The following RNF125 variants were observed in gnomAD, a reference collection of about 807,000 sequenced individuals.
RNF125 encodes ring finger protein 125.
Under a neutral mutation model 26.0 loss-of-function variants are expected in RNF125, and 21 were observed. The observed-to-expected ratio is 0.81, with a 90% CI of 0.57 to 1.16. RNF125 has a LOEUF of 1.16. Among genes scored for constraint, RNF125 ranks in the 50% most tolerant of loss-of-function variants. The pLI is 0.00. For missense variants in RNF125, 270 were observed against 299.4 expected (o/e 0.90, Z 0.72); for synonymous variants, 95 against 109.2 (o/e 0.87, Z 0.81).
chr18:32,021,518 G>C (rs2144425088), intron 1 of RNF125, among the ~76,000 whole-genome samples: 1 of 152,298 alleles, frequency 6.6e-6, no homozygotes, highest in African/African-American at 2.4e-5. Flanking sequence ...AGGCCAGTCT[G>C]GAAGCCAAGA....
rs139925391 is a variant in RNF125 at position 32,022,049 on chromosome 18, T to C, written c.164+3022T>C. The stretch of plus-strand genomic sequence containing the variant: ...ACCAGAGTCCTTTCTGCAGTAGAGA[T>C]TGTGAGCGTTAATACCATTTGTACA... On this transcript the variant is annotated intron_variant, in intron 1 of 5. Transcript: ENST00000217740. 1.7e-3 allele frequency among the ~76,000 whole-genome samples: 255 copies of C among 152,286 alleles called. 4 individuals are homozygous for C. The highest frequency in any genetic ancestry group is 5.8e-3 in the African/African-American group (243 of 41,568).
At position 32,073,174 on chromosome 18, in the gene RNF125, C is replaced by T. The variant is rs1404506466; in HGVS notation, c.*4790C>T. On this transcript the variant is annotated 3_prime_UTR_variant, in exon 6 of 6. Coordinates refer to ENST00000217740, the MANE Select transcript of RNF125 (RefSeq NM_017831.4). ...TATGATAAATAAAAAATGGCAGGACCATTGTTTTTATTAAAATATCTACTG... is the reference window on the plus strand; with the variant it reads ...TATGATAAATAAAAAATGGCAGGACTATTGTTTTTATTAAAATATCTACTG... 2 of 152,054 alleles carry T rather than the reference C, an allele frequency of 1.3e-5. No individual in the cohort carries two copies. Among genetic ancestry groups the T allele is most frequent in the African/African-American group, 4.8e-5 (2 of 41,400 alleles). The allele number at this position is 152,054 out of a possible 1,614,324, so 9.4% of individuals were successfully genotyped here. A position where few individuals can be genotyped will look rare whatever the true frequency, so the allele number is the denominator to read the frequency against.
Position 32,018,825 on chromosome 18 carries a change from ACT to A in RNF125, c.-38_-37del. The A allele has an allele frequency of 6.6e-7, 1 of 1,512,156 alleles. No individual in the cohort carries two copies. The highest frequency in any genetic ancestry group is 8.8e-7 in the Non-Finnish European group (1 of 1,130,776). The allele number at this position is 1,512,156 out of a possible 1,614,324, so 93.7% of individuals were successfully genotyped here. ...GCAACAAAACAACCCTGCGGCAGGC[ACT>A]GAGTGCTTCGCAGCTGTCTGGGCGA... On this transcript the variant is annotated 5_prime_UTR_variant, in exon 1 of 6. Transcript: ENST00000217740.
intron 5 of RNF125, among the ~76,000 whole-genome samples, chr18:32,067,600 A>G (rs1238194644): frequency 1.3e-5 from 2 of 152,238 alleles, no homozygotes; most frequent in African/African-American, 4.8e-5. Context: ...GAAATATCTG[A>G]AGCTCAAAGG....
chr18:32,024,791 A>T (rs1271159784), intron 1 of RNF125, among the ~76,000 whole-genome samples: 1 of 152,146 alleles, frequency 6.6e-6, no homozygotes, highest in Admixed American at 6.5e-5. Flanking sequence ...ATTTAAAACT[A>T]GCTTTATTGC....
intron 1 of RNF125, among the ~76,000 whole-genome samples, chr18:32,035,830 A>C (rs2039146926): frequency 6.6e-6 from 1 of 152,190 alleles, no homozygotes; most frequent in Non-Finnish European, 1.5e-5. Context: ...ACATTTTAAA[A>C]AGTCAGTGAT....
At position 32,037,179 on chromosome 18, in the gene RNF125, G is replaced by T. The variant is rs749593903; in HGVS notation, c.228G>T (p.Arg76=). 5 of 1,605,798 alleles carry T rather than the reference G, an allele frequency of 3.1e-6. No individual in the cohort carries two copies. In the South Asian group the frequency reaches 5.6e-5, roughly 18 times the overall value. The part of the protein sequence containing the change: ...KNNKWTCPYC[R]AYLPSEGVPA... ...ACAAGTGGACCTGTCCTTATTGCCG[G>T]GCATATCTTCCTTCAGAAGGAGTTC... The change falls in exon 2 of 6, where the codon CGG becomes CGT. Residue 76 remains arginine (R), a synonymous_variant. Coordinates refer to ENST00000217740, the MANE Select transcript of RNF125 (RefSeq NM_017831.4).
chr18:32,045,797 T>C (rs190738692), intron 4 of RNF125, 65 bp downstream of exon 4: 2 of 982,190 alleles, frequency 2.0e-6, no homozygotes, highest in East Asian at 2.4e-5. Flanking sequence ...GAAATCCATT[T>C]AATAGATTTA....
chr18:32,047,004 G>C (rs2039278668), intron 4 of RNF125, among the ~76,000 whole-genome samples: 1 of 152,106 alleles, frequency 6.6e-6, no homozygotes, highest in East Asian at 1.9e-4. Context: ...AAATAGATGG[G>C]ACTGTGGGCA....
At chr18:32,088,939 G>C in the RNF125 span, among the ~76,000 whole-genome samples, 2 of 152,208 alleles carry the variant, frequency 1.3e-5, no homozygotes, top group Admixed American at 1.3e-4. Flanking sequence ...AGATGGGTTG[G>C]AGTGTGTGCC....
At chr18:32,024,117 AAAC>A (rs2039010441) in intron 1 of RNF125, among the ~76,000 whole-genome samples, 1 of 151,408 alleles carries the variant, frequency 6.6e-6, no homozygotes, top group African/African-American at 2.4e-5. Flanking sequence ...TTTCAATTTG[AAAC>A]AAGCTTCAAA....
chr18:32,066,302 T>TA (rs2039485012), intron 5 of RNF125, among the ~76,000 whole-genome samples: 1 of 151,434 alleles, frequency 6.6e-6, no homozygotes, highest in Non-Finnish European at 1.5e-5. Flanking sequence ...ATACTAAAAA[T>TA]AAAAAAATTA....
At chr18:32,085,528 C>T in the RNF125 span, among the ~76,000 whole-genome samples, 56 of 151,698 alleles carry the variant, frequency 3.7e-4, no homozygotes, top group African/African-American at 1.3e-3. Flanking sequence ...GGTGAAAGCC[C>T]ATTTCTACTA....
chr18:32,084,451 T>A, the RNF125 span, among the ~76,000 whole-genome samples: 1 of 152,234 alleles, frequency 6.6e-6, no homozygotes, highest in Non-Finnish European at 1.5e-5. Flanking sequence ...ATTACTGGTC[T>A]ACTCTAGGGC....
intron 3 of RNF125, among the ~76,000 whole-genome samples, chr18:32,045,095 G>C (rs952507820): frequency 1.3e-5 from 2 of 149,768 alleles, no homozygotes; most frequent in African/African-American, 4.9e-5. Context: ...TCCAGCCTGG[G>C]TAACAGAGCG....
In RNF125 at chr18:32,073,067, TTTA is replaced by T. The variant is rs1233498643; in HGVS notation, c.*4689_*4691del. On this transcript the variant is annotated 3_prime_UTR_variant, in exon 6 of 6. Coordinates refer to ENST00000217740, the MANE Select transcript of RNF125 (RefSeq NM_017831.4). ...AAAAAGTCACTAAGAGATTCATTCT[TTTA>T]TTATTCAACTACAAAAAAATAGTGT... is the stretch of plus-strand genomic sequence containing the variant. The T allele has an allele frequency of 6.6e-6, 1 of 152,238 alleles. No individual in the cohort carries two copies. The highest frequency in any genetic ancestry group is 1.5e-5 in the Non-Finnish European group (1 of 68,034). The allele number at this position is 152,238 out of a possible 1,614,324, so 9.4% of individuals were successfully genotyped here.
chr18:32,023,234 C>T (rs1179527117), intron 1 of RNF125, among the ~76,000 whole-genome samples: 1 of 152,180 alleles, frequency 6.6e-6, no homozygotes. Context: ...CTCGCTGCAA[C>T]CTCTGCCTCC....
intron 1 of RNF125, among the ~76,000 whole-genome samples, chr18:32,021,258 A>G (rs534441946): frequency 2.0e-5 from 3 of 151,994 alleles, no homozygotes; most frequent in African/African-American, 7.2e-5. Context: ...TTTTTTGTAT[A>G]TTTAGTAGAG....
At chr18:32,052,492 CA>C (rs11305889) in intron 4 of RNF125, among the ~76,000 whole-genome samples, 102,590 of 124,712 alleles carry the variant, frequency 0.82, 44,588 homozygotes, top group East Asian at 0.98. Flanking sequence ...GACTCCATCT[CA>C]AAAAAAAAAA....
Sources: gnomAD v4.1 joint callset for allele counts (sites outside exome capture counted in the v4.1 genomes callset) on GRCh38, gnomAD v4.1.1 for gene constraint, MANE v1.5 for transcripts, NCBI Gene and HGNC (gene_info 2026-07-23, HGNC 2026-07-21) for gene names.